PTPRD: variants seen among roughly 807,000 people sequenced by gnomAD.
PTPRD encodes protein tyrosine phosphatase receptor type D.
PTPRD carries 34 observed loss-of-function variants against 214.5 expected under a neutral mutation model. The ratio of observed to expected loss-of-function variants is 0.16; its 90% CI spans 0.12 to 0.21. The LOEUF (loss-of-function observed/expected upper bound fraction) is 0.21, where lower values mean the gene tolerates loss of function less well. Among genes scored for constraint, PTPRD ranks in the 10% least tolerant of loss-of-function variants. PTPRD has a pLI of 1.00. For synonymous variants in PTPRD, 1,128 were observed against 845.7 expected, an observed-to-expected ratio of 1.33 and a Z score of -5.79; for missense variants, 2,545 against 2,398.7, an observed-to-expected ratio of 1.06 and a Z score of -1.27.
chr9:9,694,920 T>G (rs1405379886), intron 7 of PTPRD, among the ~76,000 whole-genome samples: 5 of 152,184 alleles, frequency 3.3e-5, no homozygotes, highest in African/African-American at 1.2e-4. Flanking sequence ...AAGCCTGGAC[T>G]CGGACTCCCA....
At chr9:9,864,027 G>A (rs1052644564) in intron 5 of PTPRD, among the ~76,000 whole-genome samples, 7 of 152,094 alleles carry the variant, frequency 4.6e-5, no homozygotes, top group East Asian at 1.9e-4. Flanking sequence ...AGGTTTGGCC[G>A]GGCGCGGTGG....
chr9:9,838,636 T>C (rs2057487980), intron 5 of PTPRD, among the ~76,000 whole-genome samples: 1 of 152,232 alleles, frequency 6.6e-6, no homozygotes, highest in African/African-American at 2.4e-5. Context: ...TGTAAATTTG[T>C]TTGAGTTCAT....
rs530697015 is a variant in PTPRD, at chr9:9,983,778, A to C, written c.-471-45168T>G. 6.6e-4 allele frequency among the ~76,000 whole-genome samples: 100 copies of C among 152,332 alleles called. 1 individual carries two copies. In the South Asian group the frequency reaches 0.021, roughly 31 times the overall value. On this transcript the variant is annotated intron_variant, in intron 4 of 45. Coordinates refer to ENST00000381196, the MANE Select transcript of PTPRD (RefSeq NM_002839.4). ...TCATAGAATGTCCACGCATAATTTC[A>C]ATTTCTTAATTGATGCCTAATTGAG...
At chr9:8,546,588 T>C (rs1329303786) in intron 14 of PTPRD, among the ~76,000 whole-genome samples, 1 of 151,990 alleles carries the variant, frequency 6.6e-6, no homozygotes, top group Non-Finnish European at 1.5e-5. Context: ...AACCTCTGCC[T>C]CCCAGTTTCA....
chr9:9,013,175 G>T (rs925603740), intron 11 of PTPRD, among the ~76,000 whole-genome samples: 4 of 151,734 alleles, frequency 2.6e-5, no homozygotes, highest in African/African-American at 9.7e-5. Context: ...AATATCTGAG[G>T]CATTGGGGGT....
At chr9:9,412,861 C>T (rs986624570) in intron 8 of PTPRD, among the ~76,000 whole-genome samples, 1 of 151,944 alleles carries the variant, frequency 6.6e-6, no homozygotes, top group Admixed American at 6.6e-5. Flanking sequence ...ACTTTTTGTA[C>T]TCTCTCAAGA....
At chr9:9,582,148 A>T (rs566882184) in intron 7 of PTPRD, among the ~76,000 whole-genome samples, 1 of 152,056 alleles carries the variant, frequency 6.6e-6, no homozygotes, top group Non-Finnish European at 1.5e-5. Context: ...CTCAACATCC[A>T]TCTTACTTTA....
rs1489980995 is a variant in PTPRD at position 8,364,435 on chromosome 9, A to G, written c.4661+11501T>C. On this transcript the variant is annotated intron_variant, in intron 39 of 45. Transcript: ENST00000381196. ...ACTTTATCGAATAGAAGAGGTAACA[A>G]TAGCATCTGCTGCAGCTGGCTGGAG... Among the ~76,000 whole-genome samples, 4 of 152,250 alleles carry G rather than the reference A, an allele frequency of 2.6e-5. No homozygotes were observed. The South Asian group carries it at 8.3e-4, about 31-fold the overall frequency.
chr9:9,873,062 A>G (rs117701577), intron 5 of PTPRD, among the ~76,000 whole-genome samples: 1,879 of 152,272 alleles, frequency 0.012, 22 homozygotes, highest in Middle Eastern at 0.031. Flanking sequence ...TAATAGGATT[A>G]AGATATGAAA....
chr9:8,767,274 C>T (rs1260463846), intron 11 of PTPRD, among the ~76,000 whole-genome samples: 1 of 152,006 alleles, frequency 6.6e-6, no homozygotes, highest in African/African-American at 2.4e-5. Context: ...TGCACCACCA[C>T]AACCAGCTAA....
At chr9:9,237,372 G>GT (rs1292486236) in intron 9 of PTPRD, among the ~76,000 whole-genome samples, 1 of 152,100 alleles carries the variant, frequency 6.6e-6, no homozygotes, top group African/African-American at 2.4e-5. Context: ...TAAGGCTGCA[G>GT]TTAGCTATGA....
At chr9:9,815,852 A>G (rs188058642) in intron 5 of PTPRD, among the ~76,000 whole-genome samples, 2 of 152,276 alleles carry the variant, frequency 1.3e-5, no homozygotes, top group Admixed American at 6.5e-5. Context: ...AGTTAGTAAC[A>G]CTGTATTTTT....
chr9:8,782,058 CGTTT>C (rs2095726780), intron 11 of PTPRD, among the ~76,000 whole-genome samples: 1 of 140,278 alleles, frequency 7.1e-6, no homozygotes. Flanking sequence ...TAATGTTTTA[CGTTT>C]ATGGTATAAA....
intron 12 of PTPRD, among the ~76,000 whole-genome samples, chr9:8,709,560 A>C: frequency 6.6e-6 from 1 of 151,824 alleles, no homozygotes; most frequent in East Asian, 1.9e-4. Context: ...GAAAAATGCT[A>C]ACAGAATGGA....
chr9:9,960,039 C>G (rs988927067), intron 4 of PTPRD, among the ~76,000 whole-genome samples: 1 of 152,114 alleles, frequency 6.6e-6, no homozygotes, highest in Non-Finnish European at 1.5e-5. Context: ...CACCCTGATA[C>G]TGGTTTCTAA....
At chr9:8,524,463 T>A (rs552139547) in intron 18 of PTPRD, among the ~76,000 whole-genome samples, 8 of 152,288 alleles carry the variant, frequency 5.3e-5, no homozygotes, top group African/African-American at 1.9e-4. Flanking sequence ...AGTTAGCAGC[T>A]TTATCCTTAC....
intron 27 of PTPRD, among the ~76,000 whole-genome samples, chr9:8,489,506 G>C (rs908188658): frequency 6.6e-6 from 1 of 152,132 alleles, no homozygotes; most frequent in Non-Finnish European, 1.5e-5. Context: ...AAAGCATAAA[G>C]GAAGGACTCA....
rs569423210 is a variant in PTPRD, at chr9:8,935,698, TACATGAGGCTTA to T, written c.-104+82987_-104+82998del. On this transcript the variant is annotated intron_variant, in intron 11 of 45. Coordinates refer to ENST00000381196, the MANE Select transcript of PTPRD (RefSeq NM_002839.4). ...GGGAAGGCCCCCCACAGTGGGAAAT[TACATGAGGCTTA>T]ATGCAGTATGAAATGAGAAAGCAGA... 2.4e-3 allele frequency among the ~76,000 whole-genome samples: 373 copies of T among 152,300 alleles called. 2 individuals are homozygous for T. Among genetic ancestry groups the T allele is most frequent in the African/African-American group, 8.6e-3 (359 of 41,556 alleles).
At chr9:9,080,807 G>C (rs369736923) in intron 10 of PTPRD, among the ~76,000 whole-genome samples, 1 of 152,100 alleles carries the variant, frequency 6.6e-6, no homozygotes, top group East Asian at 1.9e-4. Context: ...AATATTCTCT[G>C]ATGGTAGTTT....
Sources: allele counts gnomAD v4.1 joint callset (sites outside exome capture counted in the v4.1 genomes callset), GRCh38; gene constraint gnomAD v4.1.1; transcripts MANE v1.5; gene names NCBI Gene and HGNC (gene_info 2026-07-23, HGNC 2026-07-21).